SPAG16: variants seen among roughly 807,000 people sequenced by gnomAD.
SPAG16 encodes sperm-associated antigen 16 protein.
Under a neutral mutation model 80.4 loss-of-function variants are expected in SPAG16, and 86 were observed. The ratio of observed to expected loss-of-function variants is 1.07; its 90% CI spans 0.90 to 1.28. The LOEUF is 1.28. SPAG16 is among the 50% of genes most tolerant of loss of function. The pLI is 0.00. For synonymous variants in SPAG16, 294 were observed against 265.9 expected, an observed-to-expected ratio of 1.11 and a Z score of -1.03; for missense variants, 870 against 765.3, an observed-to-expected ratio of 1.14 and a Z score of -1.61.
chr2:213,358,548 T>C (rs1366342552), intron 7 of SPAG16, among the ~76,000 whole-genome samples: 2 of 152,234 alleles, frequency 1.3e-5, no homozygotes, highest in East Asian at 1.9e-4. Flanking sequence ...TTGATTGAAT[T>C]GGTTACTGAA....
intron 7 of SPAG16, among the ~76,000 whole-genome samples, chr2:213,363,207 C>T (rs1418032779): frequency 4.6e-5 from 7 of 152,042 alleles, no homozygotes; most frequent in Non-Finnish European, 5.9e-5. Flanking sequence ...TGGGATAAAA[C>T]AGGAATTCTC....
intron 15 of SPAG16, among the ~76,000 whole-genome samples, chr2:214,220,716 A>G (rs966012030): frequency 6.6e-6 from 1 of 152,186 alleles, no homozygotes; most frequent in African/African-American, 2.4e-5. Context: ...AGGAAATAAT[A>G]AACCCCCAAC....
At chr2:213,414,031 C>T (rs1003581426) in intron 9 of SPAG16, among the ~76,000 whole-genome samples, 2 of 152,134 alleles carry the variant, frequency 1.3e-5, no homozygotes, top group African/African-American at 2.4e-5. Context: ...AAAATAATAG[C>T]TAATTGTGCT....
chr2:213,760,549 T>C (rs1050097942), intron 10 of SPAG16, among the ~76,000 whole-genome samples: 2 of 147,618 alleles, frequency 1.4e-5, no homozygotes, highest in Non-Finnish European at 3.0e-5. Context: ...TGCAATACAT[T>C]AAAAAAAAAA....
intron 15 of SPAG16, among the ~76,000 whole-genome samples, chr2:214,213,363 C>G (rs939869827): frequency 5.3e-5 from 8 of 152,130 alleles, no homozygotes; most frequent in African/African-American, 1.9e-4. Flanking sequence ...CTGATGACTT[C>G]ACAGAACTCC....
At chr2:213,860,495 ATGTGTGTG>A in intron 10 of SPAG16, among the ~76,000 whole-genome samples, 1 of 149,168 alleles carries the variant, frequency 6.7e-6, no homozygotes, top group Non-Finnish European at 1.5e-5. Context: ...ATACACACAT[ATGTGTGTG>A]TACATGTATG....
At chr2:213,766,986 A>G (rs1309152211) in intron 10 of SPAG16, among the ~76,000 whole-genome samples, 1 of 152,046 alleles carries the variant, frequency 6.6e-6, no homozygotes, top group Non-Finnish European at 1.5e-5. Flanking sequence ...AAAATCATGG[A>G]TAGGTTTTCA....
intron 15 of SPAG16, among the ~76,000 whole-genome samples, chr2:214,342,124 C>T (rs1050120368): frequency 1.3e-5 from 2 of 152,038 alleles, no homozygotes; most frequent in Non-Finnish European, 2.9e-5. Flanking sequence ...TTTTAAGGAA[C>T]GATTTTAAGT....
chr2:214,195,585 G>C (rs1044390306), intron 15 of SPAG16, among the ~76,000 whole-genome samples: 26 of 151,990 alleles, frequency 1.7e-4, no homozygotes, highest in Non-Finnish European at 1.2e-4. Context: ...ATGGATTAGA[G>C]ATGGGAGTGC....
chr2:214,237,126 C>G (rs1056741099), intron 15 of SPAG16, among the ~76,000 whole-genome samples: 6 of 151,978 alleles, frequency 3.9e-5, no homozygotes, highest in African/African-American at 7.3e-5. Flanking sequence ...AATCACATAG[C>G]AAAAGGAAAG....
At chr2:213,976,135 T>TATATATATATATATATATACAC (rs749957411) in intron 12 of SPAG16, among the ~76,000 whole-genome samples, 5 of 81,416 alleles carry the variant, frequency 6.1e-5, no homozygotes, top group Admixed American at 2.8e-4. Context: ...TATATATATA[T>TATATATATATATATATATACAC]ACACACACAC....
chr2:213,743,326 C>T (rs2067670917), intron 10 of SPAG16, among the ~76,000 whole-genome samples: 1 of 152,102 alleles, frequency 6.6e-6, no homozygotes. Context: ...ATGCCTGGCC[C>T]CTATAGGAAG....
At chr2:213,460,990 C>T (rs1454871947) in intron 9 of SPAG16, among the ~76,000 whole-genome samples, 5 of 152,128 alleles carry the variant, frequency 3.3e-5, no homozygotes, top group African/African-American at 1.2e-4. Flanking sequence ...ATTTTACTTT[C>T]ATGCCATTTC....
At chr2:214,093,525 T>C (rs2052368519) in intron 13 of SPAG16, among the ~76,000 whole-genome samples, 1 of 146,734 alleles carries the variant, frequency 6.8e-6, no homozygotes, top group African/African-American at 2.5e-5. Flanking sequence ...TGTATATGTG[T>C]ATGTTGTGTG....
chr2:213,748,004 C>T (rs978842306), intron 10 of SPAG16, among the ~76,000 whole-genome samples: 1 of 152,038 alleles, frequency 6.6e-6, no homozygotes, highest in African/African-American at 2.4e-5. Context: ...TCAAGTTGGA[C>T]GATTATTGTT....
At chr2:213,862,661 T>G (rs2075522953) in intron 11 of SPAG16, 33 bp downstream of exon 11, 1 of 1,612,000 alleles carries the variant, frequency 6.2e-7, no homozygotes, top group Non-Finnish European at 8.5e-7. Context: ...AATAGCCTAA[T>G]CTCTCTAGGA....
chr2:214,173,630 G>A (rs1261080346), intron 15 of SPAG16, among the ~76,000 whole-genome samples: 1 of 151,978 alleles, frequency 6.6e-6, no homozygotes, highest in South Asian at 2.1e-4. Context: ...ATTCACAGAC[G>A]AATTCTACCA....
chr2:214,251,887 C>T (rs766402292), intron 15 of SPAG16, among the ~76,000 whole-genome samples: 4 of 152,172 alleles, frequency 2.6e-5, no homozygotes, highest in East Asian at 3.9e-4. Flanking sequence ...AAATGTTAGA[C>T]GTAAAACACT....
At chr2:213,625,242 A>G (rs912297644) in intron 10 of SPAG16, among the ~76,000 whole-genome samples, 5 of 152,212 alleles carry the variant, frequency 3.3e-5, no homozygotes, top group Non-Finnish European at 4.4e-5. Context: ...TGTGAGCTAT[A>G]CAGGCTTCTG....
Sources: allele counts gnomAD v4.1 joint callset (sites outside exome capture counted in the v4.1 genomes callset), GRCh38; gene constraint gnomAD v4.1.1; transcripts MANE v1.5; gene names NCBI Gene and HGNC (gene_info 2026-07-23, HGNC 2026-07-21).